The following PDE4D variants were observed in gnomAD, a reference collection of about 807,000 sequenced individuals.
The protein encoded by PDE4D is 3',5'-cyclic-AMP phosphodiesterase 4D.
PDE4D carries 24 observed loss-of-function variants against 87.4 expected under a neutral mutation model. The ratio of observed to expected loss-of-function variants is 0.27; its 90% CI spans 0.20 to 0.39. The LOEUF is 0.39. Ranked by LOEUF, PDE4D falls within the 10% of genes least tolerant of loss-of-function variation. The pLI is 1.00. For missense variants in PDE4D, 714 were observed against 1,041.0 expected (o/e 0.69, Z 4.32); for synonymous variants, 384 against 383.2 (o/e 1.00, Z -0.02).
intron 5 of PDE4D, among the ~76,000 whole-genome samples, chr5:59,171,081 C>G (rs909142349): frequency 6.6e-6 from 1 of 151,988 alleles, no homozygotes; most frequent in African/African-American, 2.4e-5. Flanking sequence ...GGGGTTTCAC[C>G]ATGTTGGCCA....
chr5:59,132,826 C>A (rs1776473859), intron 5 of PDE4D, among the ~76,000 whole-genome samples: 1 of 152,158 alleles, frequency 6.6e-6, no homozygotes, highest in Non-Finnish European at 1.5e-5. Context: ...TCAGTCCAAA[C>A]CCACAAGTAG....
chr5:60,397,750 AAC>A (rs1704832037), intron 1 of PDE4D, among the ~76,000 whole-genome samples: 2 of 152,320 alleles, frequency 1.3e-5, no homozygotes, highest in African/African-American at 4.8e-5. Context: ...TATAGTTAAG[AAC>A]AGTGTATTAT....
At chr5:59,530,724 G>A (rs897075227) in intron 1 of PDE4D, among the ~76,000 whole-genome samples, 7 of 152,164 alleles carry the variant, frequency 4.6e-5, no homozygotes, top group Non-Finnish European at 7.4e-5. Context: ...ATTTCACATA[G>A]AATTAACTCT....
intron 1 of PDE4D, among the ~76,000 whole-genome samples, chr5:60,325,393 C>A (rs61497235): frequency 0.058 from 8,821 of 152,172 alleles, 834 homozygotes; most frequent in African/African-American, 0.2. Flanking sequence ...ATAATATGAT[C>A]TAATGGTCCC....
intron 1 of PDE4D, among the ~76,000 whole-genome samples, chr5:59,360,310 G>A (rs758571091): frequency 1.3e-5 from 2 of 152,170 alleles, no homozygotes; most frequent in Non-Finnish European, 2.9e-5. Context: ...GTGGGGTTGC[G>A]TTAGGTTGAA....
At chr5:60,018,404 A>AT (rs1765731356) in intron 2 of PDE4D, among the ~76,000 whole-genome samples, 1 of 152,198 alleles carries the variant, frequency 6.6e-6, no homozygotes, top group African/African-American at 2.4e-5. Context: ...TATAAAGACC[A>AT]AGGACACTAT....
upstream of PDE4D, among the ~76,000 whole-genome samples, chr5:59,895,023 T>C (rs139179774): frequency 1.7e-4 from 26 of 152,318 alleles, no homozygotes; most frequent in African/African-American, 6.0e-4. Flanking sequence ...CGATAATATA[T>C]TTAGGACTCA....
chr5:60,485,273 T>C (rs1031316673), intron 1 of PDE4D, among the ~76,000 whole-genome samples: 3 of 152,132 alleles, frequency 2.0e-5, no homozygotes, highest in Non-Finnish European at 2.9e-5. Flanking sequence ...AGCAACTCTT[T>C]TGAAAACACA....
At chr5:59,958,070 T>C (rs918058475) in intron 3 of PDE4D, among the ~76,000 whole-genome samples, 3 of 152,096 alleles carry the variant, frequency 2.0e-5, no homozygotes, top group African/African-American at 7.2e-5. Context: ...GATAAATTAT[T>C]GGTAATAGGC....
intron 1 of PDE4D, among the ~76,000 whole-genome samples, chr5:59,735,577 G>A (rs528026403): frequency 3.9e-5 from 6 of 152,126 alleles, no homozygotes; most frequent in African/African-American, 7.2e-5. Flanking sequence ...CATATCTTGC[G>A]TTATTCACCA....
At chr5:59,397,415 G>C (rs572751257) in intron 1 of PDE4D, among the ~76,000 whole-genome samples, 1 of 119,032 alleles carries the variant, frequency 8.4e-6, no homozygotes, top group African/African-American at 3.4e-5. Flanking sequence ...TAGAACTCAG[G>C]ATTAAGAATC....
At chr5:59,729,643 A>G (rs1272327461) in intron 1 of PDE4D, among the ~76,000 whole-genome samples, 1 of 152,020 alleles carries the variant, frequency 6.6e-6, no homozygotes, top group Non-Finnish European at 1.5e-5. Context: ...TTCACTTAGT[A>G]TATTTTAACT....
intron 13 of PDE4D, 128 bp downstream of exon 13, chr5:58,976,222 C>G: frequency 9.8e-7 from 1 of 1,022,290 alleles, no homozygotes; most frequent in South Asian, 2.4e-5. Flanking sequence ...GGATAAAAAT[C>G]CTGCCTACAA....
At chr5:59,284,527 A>G (rs1766491359) in intron 1 of PDE4D, among the ~76,000 whole-genome samples, 1 of 151,652 alleles carries the variant, frequency 6.6e-6, no homozygotes. Context: ...ATCTCACACC[A>G]GTTAGAATGG....
intron 5 of PDE4D, among the ~76,000 whole-genome samples, chr5:59,149,411 A>G (rs188770650): frequency 1.3e-5 from 2 of 152,124 alleles, no homozygotes; most frequent in Non-Finnish European, 2.9e-5. Flanking sequence ...AGCACACCAC[A>G]TTGCTGTATC....
chr5:59,541,625 A>G (rs750818818), intron 1 of PDE4D, among the ~76,000 whole-genome samples: 2 of 152,238 alleles, frequency 1.3e-5, no homozygotes, highest in Admixed American at 6.5e-5. Context: ...TAAATACTTT[A>G]TCATAATTGT....
chr5:59,620,444 C>T (rs1170456422), intron 1 of PDE4D, among the ~76,000 whole-genome samples: 1 of 152,084 alleles, frequency 6.6e-6, no homozygotes, highest in South Asian at 2.1e-4. Context: ...AGAAAGAAAA[C>T]TATGCTTAGA....
intron 4 of PDE4D, among the ~76,000 whole-genome samples, chr5:59,181,240 T>C (rs1741464759): frequency 6.6e-6 from 1 of 151,964 alleles, no homozygotes; most frequent in East Asian, 1.9e-4. Context: ...CAAAGGTACT[T>C]AAATAAATTA....
chr5:60,203,286 A>C (rs1270033220), intron 1 of PDE4D, among the ~76,000 whole-genome samples: 1 of 152,192 alleles, frequency 6.6e-6, no homozygotes, highest in Non-Finnish European at 1.5e-5. Context: ...AATAAATTAA[A>C]TACTTAACAA....
Sources: allele counts gnomAD v4.1 joint callset (sites outside exome capture counted in the v4.1 genomes callset), GRCh38; gene constraint gnomAD v4.1.1; transcripts MANE v1.5; gene names NCBI Gene and HGNC (gene_info 2026-07-23, HGNC 2026-07-21).